The following RPGRIP1L variants were observed in gnomAD, a reference collection of about 807,000 sequenced individuals.
RPGRIP1L encodes the protein RPGRIP1 like, also known as protein fantom.
A neutral mutation model predicts 160.4 loss-of-function variants in RPGRIP1L; 131 were observed. The observed-to-expected ratio is 0.82, with a 90% CI of 0.71 to 0.94. The LOEUF (loss-of-function observed/expected upper bound fraction) is 0.94, where lower values mean the gene tolerates loss of function less well. Among genes scored for constraint, RPGRIP1L ranks in the 40% least tolerant of loss-of-function variants. RPGRIP1L has a pLI of 0.00. For missense variants in RPGRIP1L, 1,522 were observed against 1,535.8 expected, an observed-to-expected ratio of 0.99 and a Z score of 0.15; for synonymous variants, 510 against 515.8, an observed-to-expected ratio of 0.99 and a Z score of 0.15.
rs397945611 is a variant in RPGRIP1L at position 53,617,073 on chromosome 16, C to CAAAAAAAAAAAAAAAAAAAAAAAAAA, written c.3616+1926_3616+1951dup. Among the ~76,000 whole-genome samples the CAAAAAAAAAAAAAAAAAAAAAAAAAA allele has an allele frequency of 9.2e-4, 20 of 21,846 alleles. 3 individuals carry two copies. The highest frequency in any genetic ancestry group is 3.2e-3 in the East Asian group (3 of 928). The allele number at this position is 21,846 out of a possible 152,430, so 14.3% of individuals were successfully genotyped here. On this transcript the variant is annotated intron_variant, in intron 24 of 26. Transcript: ENST00000647211. ...GGCAATAGCACCAGACCTTGCATCA[C>CAAAAAAAAAAAAAAAAAAAAAAAAAA]AAAAAAAAAAAAAAAAAAAAAAAAA... is the stretch of plus-strand genomic sequence containing the variant.
chr16:53,669,579 A>G (rs1968544953), intron 9 of RPGRIP1L, among the ~76,000 whole-genome samples: 1 of 152,092 alleles, frequency 6.6e-6, no homozygotes, highest in Non-Finnish European at 1.5e-5. Flanking sequence ...TCGTTTATAC[A>G]TTATTCCCAG....
At chr16:53,613,147 A>G (rs1263732257) in intron 24 of RPGRIP1L, among the ~76,000 whole-genome samples, 1 of 152,154 alleles carries the variant, frequency 6.6e-6, no homozygotes, top group Non-Finnish European at 1.5e-5. Context: ...TTGTTTATCC[A>G]CTTATCCTGT....
intron 3 of RPGRIP1L, chr16:53,694,945 G>C (rs1219635525): frequency 5.6e-6 from 1 of 177,020 alleles, no homozygotes; most frequent in Non-Finnish European, 1.2e-5. Context: ...CGTAGCTAAA[G>C]TAAAACGAAC....
At chr16:53,685,870 T>C (rs947566333) in intron 6 of RPGRIP1L, among the ~76,000 whole-genome samples, 10 of 152,036 alleles carry the variant, frequency 6.6e-5, no homozygotes, top group Non-Finnish European at 1.2e-4. Context: ...AACTTAAAAG[T>C]TGGAAATTAT....
intron 7 of RPGRIP1L, among the ~76,000 whole-genome samples, chr16:53,673,359 T>C (rs537681663): frequency 6.6e-6 from 1 of 152,322 alleles, no homozygotes; most frequent in South Asian, 2.1e-4. Flanking sequence ...TGGTTGGACA[T>C]GCTGTCTAAA....
chr16:53,656,674 T>C (rs1024507130), intron 13 of RPGRIP1L, 85 bp from the exon 14 acceptor site: 14 of 1,007,100 alleles, frequency 1.4e-5, no homozygotes, highest in African/African-American at 3.2e-5. Context: ...AAGCATTTTC[T>C]AGATCCTGGA....
intron 4 of RPGRIP1L, 88 bp from the exon 5 acceptor site, chr16:53,688,053 A>C (rs1179165640): frequency 2.4e-6 from 2 of 829,898 alleles, no homozygotes; most frequent in African/African-American, 3.4e-5. Flanking sequence ...ATTTATAATA[A>C]AATCTCTTAA....
Position 53,601,947 on chromosome 16 carries a change from A to G in RPGRIP1L, c.*129T>C, listed in dbSNP as rs945514704. On this transcript the variant is annotated 3_prime_UTR_variant, in exon 27 of 27. Transcript: ENST00000647211. ...TACAAAACTTCAACACTTCAAACCC[A>G]GGTCTCCCCGCTCCCAGCTTCCCAT... The G allele has an allele frequency of 5.8e-6, 4 of 693,570 alleles. No individual in the cohort carries two copies. In the African/African-American group the frequency reaches 7.1e-5, roughly 12 times the overall value. The allele number at this position is 693,570 out of a possible 1,614,324, so 43.0% of individuals were successfully genotyped here. A position where few individuals can be genotyped will look rare whatever the true frequency, so the allele number is the denominator to read the frequency against.
At chr16:53,696,350 A>G (rs1161092263) in intron 2 of RPGRIP1L, 55 bp from the exon 3 acceptor site, 2 of 1,566,430 alleles carry the variant, frequency 1.3e-6, no homozygotes, top group Non-Finnish European at 1.8e-6. Flanking sequence ...GTCTCTAGAA[A>G]CTCTTGATAT....
chr16:53,672,722 A>G, intron 8 of RPGRIP1L, 148 bp downstream of exon 8: 1 of 664,688 alleles, frequency 1.5e-6, no homozygotes, highest in Non-Finnish European at 2.6e-6. Flanking sequence ...TCATATATTA[A>G]CAACTATATT....
At chr16:53,680,020 T>G (rs994684202) in intron 6 of RPGRIP1L, among the ~76,000 whole-genome samples, 2 of 152,112 alleles carry the variant, frequency 1.3e-5, no homozygotes, top group Admixed American at 6.5e-5. Context: ...CTCTTCTAAG[T>G]TTTTTCCTCT....
chr16:53,653,217 C>T (rs540225547), intron 14 of RPGRIP1L: 3 of 719,170 alleles, frequency 4.2e-6, no homozygotes, highest in East Asian at 2.6e-4. Flanking sequence ...TTAATATAGC[C>T]TAAGCCAGGA....
intron 6 of RPGRIP1L, among the ~76,000 whole-genome samples, chr16:53,684,927 C>T (rs777111053): frequency 8.6e-5 from 13 of 151,968 alleles, no homozygotes; most frequent in Non-Finnish European, 8.8e-5. Context: ...AAACAGACAA[C>T]CTATAGAATG....
intron 22 of RPGRIP1L, among the ~76,000 whole-genome samples, chr16:53,631,931 T>C (rs1965546080): frequency 6.6e-6 from 1 of 152,236 alleles, no homozygotes; most frequent in African/African-American, 2.4e-5. Flanking sequence ...CACTAAACTT[T>C]ATGTAGCCTG....
intron 2 of RPGRIP1L, 23 bp downstream of exon 2, chr16:53,700,616 T>C (rs1239443100): frequency 6.4e-7 from 1 of 1,571,924 alleles, no homozygotes; most frequent in Non-Finnish European, 8.7e-7. Context: ...TTCATAACTG[T>C]AATAAATAAC....
At chr16:53,648,858 A>G (rs919962366) in intron 16 of RPGRIP1L, 106 bp downstream of exon 16, 2 of 1,036,534 alleles carry the variant, frequency 1.9e-6, no homozygotes, top group Non-Finnish European at 2.9e-6. Flanking sequence ...AGTTAAAAAA[A>G]GACACTTGAT....
intron 22 of RPGRIP1L, among the ~76,000 whole-genome samples, chr16:53,634,068 C>T (rs577283159): frequency 3.2e-4 from 48 of 152,262 alleles, no homozygotes; most frequent in Middle Eastern, 6.8e-3. Flanking sequence ...AAGGTGTCAG[C>T]AGGTTTGGTG....
chr16:53,612,471 A>C (rs578225621), intron 24 of RPGRIP1L, among the ~76,000 whole-genome samples: 16 of 149,376 alleles, frequency 1.1e-4, no homozygotes, highest in Admixed American at 7.3e-4. Context: ...CTAAAGGGGA[A>C]CTTTTTTTCC....
intron 17 of RPGRIP1L, among the ~76,000 whole-genome samples, chr16:53,643,649 C>T (rs1386775866): frequency 6.6e-6 from 1 of 151,620 alleles, no homozygotes; most frequent in East Asian, 1.9e-4. Flanking sequence ...AAAAGTGAAA[C>T]AAAAAGAAAA....
Sources: gnomAD v4.1 joint callset for allele counts (sites outside exome capture counted in the v4.1 genomes callset) on GRCh38, gnomAD v4.1.1 for gene constraint, MANE v1.5 for transcripts, NCBI Gene and HGNC (gene_info 2026-07-23, HGNC 2026-07-21) for gene names.